CNTN4: variants seen among roughly 807,000 people sequenced by gnomAD.
CNTN4 encodes the protein contactin-4.
CNTN4 carries 77 observed loss-of-function variants against 122.5 expected under a neutral mutation model. The observed-to-expected ratio is 0.63, with a 90% CI of 0.52 to 0.76. CNTN4 has a LOEUF of 0.76. CNTN4 is among the 30% of genes least tolerant of loss of function. The probability of loss-of-function intolerance (pLI) is 0.00; values close to 1 mark genes in which losing one functional copy is unlikely to be tolerated. For synonymous variants in CNTN4, 512 were observed against 447.0 expected (o/e 1.15, Z -1.83); for missense variants, 1,256 against 1,259.1 (o/e 1.00, Z 0.04).
At chr3:2,155,376 G>A (rs548710403) in intron 2 of CNTN4, among the ~76,000 whole-genome samples, 1 of 152,276 alleles carries the variant, frequency 6.6e-6, no homozygotes, top group Admixed American at 6.5e-5. Flanking sequence ...CCGTACCTGG[G>A]AGGTGACTTT....
At chr3:2,216,038 A>G (rs2038825330) in intron 2 of CNTN4, among the ~76,000 whole-genome samples, 1 of 152,180 alleles carries the variant, frequency 6.6e-6, no homozygotes, top group South Asian at 2.1e-4. Context: ...ATTACTGAGT[A>G]TATGCCCAAG....
chr3:2,233,680 G>A (rs759470851), intron 2 of CNTN4, among the ~76,000 whole-genome samples: 6 of 152,078 alleles, frequency 3.9e-5, no homozygotes, highest in Admixed American at 2.6e-4. Context: ...TAACAAAGCA[G>A]CCGTATAATA....
At chr3:2,517,927 A>G (rs1177294528) in intron 3 of CNTN4, among the ~76,000 whole-genome samples, 1 of 152,004 alleles carries the variant, frequency 6.6e-6, no homozygotes, top group Non-Finnish European at 1.5e-5. Flanking sequence ...TGTGACTCCT[A>G]CTCCCATCCA....
At chr3:2,126,380 T>C (rs1044162042) in intron 2 of CNTN4, among the ~76,000 whole-genome samples, 3 of 152,226 alleles carry the variant, frequency 2.0e-5, no homozygotes, top group Non-Finnish European at 4.4e-5. Context: ...TTAGTAAATA[T>C]ATGAATGAAT....
intron 14 of CNTN4, among the ~76,000 whole-genome samples, chr3:2,991,171 A>AT (rs1478591227): frequency 1.3e-5 from 2 of 152,316 alleles, no homozygotes; most frequent in East Asian, 3.9e-4. Context: ...TAGCCACATG[A>AT]TTCGCTGAAA....
At chr3:2,481,041 C>CT (rs1160840891) in intron 3 of CNTN4, among the ~76,000 whole-genome samples, 1 of 140,058 alleles carries the variant, frequency 7.1e-6, no homozygotes, top group Admixed American at 7.0e-5. Context: ...TCTTTTCTTT[C>CT]TTTCTTTCTT....
chr3:2,816,248 G>A (rs1211849616), intron 6 of CNTN4, among the ~76,000 whole-genome samples: 1 of 148,476 alleles, frequency 6.7e-6, no homozygotes, highest in East Asian at 1.9e-4. Context: ...CAGCTACTCG[G>A]GAGGCTGAGG....
chr3:2,486,123 C>T (rs527919929), intron 3 of CNTN4, among the ~76,000 whole-genome samples: 1 of 152,290 alleles, frequency 6.6e-6, no homozygotes, highest in African/African-American at 2.4e-5. Flanking sequence ...GGAACAACAA[C>T]TCCAGACACC....
chr3:2,169,939 A>T (rs1017282015), intron 2 of CNTN4, among the ~76,000 whole-genome samples: 4 of 152,232 alleles, frequency 2.6e-5, no homozygotes, highest in African/African-American at 9.6e-5. Flanking sequence ...AATTTTTACA[A>T]TTAAAAGCTT....
At chr3:2,797,110 C>T (rs1015733302) in intron 6 of CNTN4, among the ~76,000 whole-genome samples, 7 of 152,174 alleles carry the variant, frequency 4.6e-5, no homozygotes, top group South Asian at 4.1e-4. Context: ...AAGTGATCCT[C>T]CTGCCTCAGC....
intron 13 of CNTN4, among the ~76,000 whole-genome samples, chr3:2,926,158 C>G (rs896511144): frequency 1.3e-5 from 2 of 152,148 alleles, no homozygotes; most frequent in Non-Finnish European, 2.9e-5. Context: ...CTATGACAAC[C>G]CTTCAATTAT....
chr3:2,434,299 A>G (rs1472317597), intron 3 of CNTN4, among the ~76,000 whole-genome samples: 1 of 152,184 alleles, frequency 6.6e-6, no homozygotes, highest in East Asian at 1.9e-4. Flanking sequence ...TTACAAATAA[A>G]ATTTAAAAGA....
intron 6 of CNTN4, among the ~76,000 whole-genome samples, chr3:2,783,429 A>C (rs1377613238): frequency 6.6e-6 from 1 of 152,176 alleles, no homozygotes; most frequent in Non-Finnish European, 1.5e-5. Context: ...TATTGTTTTC[A>C]CAGGGTGTCT....
intron 2 of CNTN4, among the ~76,000 whole-genome samples, chr3:2,258,972 T>C (rs556575258): frequency 1.3e-5 from 2 of 152,188 alleles, no homozygotes; most frequent in African/African-American, 4.8e-5. Flanking sequence ...ATTTCATTTG[T>C]TTCTTATAAC....
At chr3:2,554,939 A>G (rs2078659414) in intron 3 of CNTN4, among the ~76,000 whole-genome samples, 1 of 152,182 alleles carries the variant, frequency 6.6e-6, no homozygotes, top group African/African-American at 2.4e-5. Context: ...GCTGCACAGA[A>G]TGCCTTTCTT....
chr3:2,683,202 A>G (rs1354450956), intron 4 of CNTN4, among the ~76,000 whole-genome samples: 2 of 152,118 alleles, frequency 1.3e-5, no homozygotes, highest in Non-Finnish European at 2.9e-5. Flanking sequence ...TTTCAGACAG[A>G]AAGGGAAAAT....
chr3:2,125,129 C>T (rs762465933), intron 2 of CNTN4, among the ~76,000 whole-genome samples: 28 of 152,258 alleles, frequency 1.8e-4, no homozygotes, highest in Non-Finnish European at 3.4e-4. Flanking sequence ...TTTCCTTCCT[C>T]TACAGGCTCT....
At chr3:2,347,416 T>TTTTG (rs1363047021) in intron 3 of CNTN4, among the ~76,000 whole-genome samples, 1 of 147,290 alleles carries the variant, frequency 6.8e-6, no homozygotes, top group Non-Finnish European at 1.5e-5. Flanking sequence ...CAATCTTTTT[T>TTTTG]TTTTTTTTTT....
intron 4 of CNTN4, among the ~76,000 whole-genome samples, chr3:2,622,183 A>G (rs973629502): frequency 6.6e-6 from 1 of 152,114 alleles, no homozygotes; most frequent in Non-Finnish European, 1.5e-5. Context: ...TGTACTCACT[A>G]TGGCAGTAGG....
Sources: gnomAD v4.1 joint callset for allele counts (sites outside exome capture counted in the v4.1 genomes callset) on GRCh38, gnomAD v4.1.1 for gene constraint, MANE v1.5 for transcripts, NCBI Gene and HGNC (gene_info 2026-07-23, HGNC 2026-07-21) for gene names.